Variants in MAGI2 observed in about 807,000 individuals in gnomAD.
The protein encoded by MAGI2 is membrane associated guanylate kinase, WW and PDZ domain containing 2.
A neutral mutation model predicts 133.3 loss-of-function variants in MAGI2; 35 were observed. That is an observed-to-expected ratio of 0.26 (90% CI 0.20 to 0.35). MAGI2 has a LOEUF of 0.35. MAGI2 is among the 10% of genes least tolerant of loss of function. The pLI, the probability that MAGI2 is intolerant of heterozygous loss-of-function variation, is 1.00. For missense variants in MAGI2, 1,636 were observed against 1,863.4 expected (o/e 0.88, Z 2.25); for synonymous variants, 729 against 710.6 (o/e 1.03, Z -0.41).
intron 9 of MAGI2, among the ~76,000 whole-genome samples, chr7:78,342,482 T>A (rs1029977855): frequency 6.6e-6 from 1 of 152,210 alleles, no homozygotes; most frequent in Admixed American, 6.5e-5. Context: ...GGATTATAAA[T>A]CATTCTACTA....
At chr7:78,359,527 T>C (rs1035354788) in intron 7 of MAGI2, 4 of 152,206 alleles carry the variant, frequency 2.6e-5, no homozygotes, top group Admixed American at 2.6e-4. Flanking sequence ...TTAATGTTAA[T>C]ATCAGCCCTC....
chr7:78,552,263 A>AACCTCC (rs957653006), intron 3 of MAGI2, among the ~76,000 whole-genome samples: 1 of 139,128 alleles, frequency 7.2e-6, no homozygotes. Flanking sequence ...AGCTCACCGC[A>AACCTCC]ACCTCCACCT....
At chr7:78,752,866 T>C (rs181412782) in intron 2 of MAGI2, among the ~76,000 whole-genome samples, 1 of 152,344 alleles carries the variant, frequency 6.6e-6, no homozygotes, top group East Asian at 1.9e-4. Context: ...GGCTAAGTCC[T>C]GAACTACCTC....
intron 2 of MAGI2, among the ~76,000 whole-genome samples, chr7:78,971,306 AG>A (rs1803767340): frequency 6.6e-6 from 1 of 152,082 alleles, no homozygotes; most frequent in South Asian, 2.1e-4. Context: ...AGAGATATGG[AG>A]ATAAATCTAT....
intron 9 of MAGI2, among the ~76,000 whole-genome samples, chr7:78,324,101 T>G (rs1352073058): frequency 6.6e-6 from 1 of 151,786 alleles, no homozygotes. Context: ...GTGTTTTTAT[T>G]TAAAAAATGG....
rs533284829 is a variant in MAGI2, at chr7:78,439,522, AC to A, written c.1045+50238del. On this transcript the variant is annotated intron_variant, in intron 6 of 21. Transcript: ENST00000354212. Reference sequence around the variant, plus strand: ...GGAGAGGTGCAGAGTAAGATGTGGGACCTTTGAGGAGGGGGCACAGCAAGAG... The same window carrying A: ...GGAGAGGTGCAGAGTAAGATGTGGGACTTTGAGGAGGGGGCACAGCAAGAG... Among the ~76,000 whole-genome samples the A allele has an allele frequency of 3.3e-5, 5 of 152,158 alleles. No individual in the cohort carries two copies. In the South Asian group the frequency reaches 1.0e-3, roughly 32 times the overall value.
chr7:78,341,184 C>A (rs1401058956), intron 9 of MAGI2, among the ~76,000 whole-genome samples: 1 of 152,002 alleles, frequency 6.6e-6, no homozygotes, highest in Non-Finnish European at 1.5e-5. Flanking sequence ...AACAGAAGGC[C>A]AAATCATAAG....
At chr7:78,413,860 A>G (rs1027891023) in intron 6 of MAGI2, among the ~76,000 whole-genome samples, 1 of 152,028 alleles carries the variant, frequency 6.6e-6, no homozygotes, top group Admixed American at 6.6e-5. Context: ...GTTTCAGTGG[A>G]AAATGGGAAA....
chr7:79,399,544 T>C (rs150677299), intron 1 of MAGI2, among the ~76,000 whole-genome samples: 259 of 152,168 alleles, frequency 1.7e-3, no homozygotes, highest in Middle Eastern at 6.8e-3. Context: ...TTATAGGAAA[T>C]GCACACCCTA....
At chr7:79,429,470 T>C (rs1390863770) in intron 1 of MAGI2, among the ~76,000 whole-genome samples, 2 of 151,864 alleles carry the variant, frequency 1.3e-5, no homozygotes, top group Non-Finnish European at 2.9e-5. Context: ...GCCCAGCTAA[T>C]TTTTTTGTAT....
At chr7:78,682,380 C>G (rs116989988) in intron 2 of MAGI2, among the ~76,000 whole-genome samples, 3,319 of 152,154 alleles carry the variant, frequency 0.022, 71 homozygotes, top group Non-Finnish European at 0.03. Context: ...CCTTGCCCCC[C>G]ACCCACCAGC....
chr7:78,230,048 T>G (rs776087383), intron 10 of MAGI2, among the ~76,000 whole-genome samples: 3 of 152,150 alleles, frequency 2.0e-5, no homozygotes, highest in Non-Finnish European at 4.4e-5. Context: ...ACATTGTCCT[T>G]TTTTTTGTCC....
intron 1 of MAGI2, among the ~76,000 whole-genome samples, chr7:79,171,770 A>ATATATATATATATATATAT: frequency 6.4e-5 from 2 of 31,222 alleles, no homozygotes; most frequent in South Asian, 8.1e-4. Flanking sequence ...ATATATATAT[A>ATATATATATATATATATAT]TTTTTTTTTT....
chr7:79,289,512 AT>A (rs1420029910), intron 1 of MAGI2, among the ~76,000 whole-genome samples: 1 of 152,188 alleles, frequency 6.6e-6, no homozygotes, highest in Non-Finnish European at 1.5e-5. Flanking sequence ...CACTCATACA[AT>A]CCTCTCTGAT....
At chr7:78,827,209 A>T in intron 2 of MAGI2, among the ~76,000 whole-genome samples, 1 of 152,156 alleles carries the variant, frequency 6.6e-6, no homozygotes, top group East Asian at 1.9e-4. Context: ...CTAGGGCACA[A>T]ATATTGGGTT....
intron 1 of MAGI2, among the ~76,000 whole-genome samples, chr7:79,253,760 C>T (rs1333846143): frequency 6.6e-6 from 1 of 152,154 alleles, no homozygotes; most frequent in Admixed American, 6.5e-5. Flanking sequence ...TCCTCTCTAA[C>T]TCCTTTTCCT....
At chr7:78,638,988 G>A (rs556337473) in intron 2 of MAGI2, among the ~76,000 whole-genome samples, 6 of 152,076 alleles carry the variant, frequency 3.9e-5, no homozygotes, top group African/African-American at 1.4e-4. Flanking sequence ...AGCTTTTATA[G>A]TCTCCTCATG....
intron 2 of MAGI2, among the ~76,000 whole-genome samples, chr7:78,719,509 G>A (rs1402708837): frequency 6.6e-6 from 1 of 152,230 alleles, no homozygotes; most frequent in African/African-American, 2.4e-5. Flanking sequence ...GTGAGTGATA[G>A]AAACCACTAC....
chr7:78,643,248 A>G (rs1810496197), intron 2 of MAGI2, among the ~76,000 whole-genome samples: 2 of 152,226 alleles, frequency 1.3e-5, no homozygotes, highest in South Asian at 2.1e-4. Flanking sequence ...AAGAAATGCC[A>G]AGAAAGTAGC....
Sources: gnomAD v4.1 joint callset for allele counts (sites outside exome capture counted in the v4.1 genomes callset) on GRCh38, gnomAD v4.1.1 for gene constraint, MANE v1.5 for transcripts, NCBI Gene and HGNC (gene_info 2026-07-23, HGNC 2026-07-21) for gene names.